CDH4: variants seen among roughly 807,000 people sequenced by gnomAD.
CDH4 encodes the protein cadherin 4.
CDH4 carries 33 observed loss-of-function variants against 86.0 expected under a neutral mutation model. The ratio of observed to expected loss-of-function variants is 0.38; its 90% confidence interval spans 0.29 to 0.51. The LOEUF (loss-of-function observed/expected upper bound fraction) is 0.51, where lower values mean the gene tolerates loss of function less well. CDH4 is among the 20% of genes least tolerant of loss of function. The pLI is 0.86. For missense variants in CDH4, 1,114 were observed against 1,307.4 expected (o/e 0.85, Z 2.28); for synonymous variants, 555 against 549.4 (o/e 1.01, Z -0.14).
intron 2 of CDH4, among the ~76,000 whole-genome samples, chr20:61,352,441 A>C (rs2084718192): frequency 6.6e-6 from 1 of 152,200 alleles, no homozygotes; most frequent in Non-Finnish European, 1.5e-5. Flanking sequence ...AGCACGTCTG[A>C]AAATGTGGCA....
intron 2 of CDH4, among the ~76,000 whole-genome samples, chr20:61,726,413 G>A (rs747145671): frequency 1.4e-4 from 22 of 152,140 alleles, no homozygotes; most frequent in Non-Finnish European, 5.9e-5. Flanking sequence ...GGAAATCAGG[G>A]TGTGCTGGGT....
At chr20:61,740,028 G>A (rs2088314414) in intron 2 of CDH4, among the ~76,000 whole-genome samples, 4 of 152,330 alleles carry the variant, frequency 2.6e-5, no homozygotes, top group Admixed American at 2.0e-4. Context: ...CTCCTGGAAT[G>A]CATTTAACCT....
chr20:61,750,802 G>A (rs1358016604), intron 3 of CDH4, among the ~76,000 whole-genome samples: 1 of 152,184 alleles, frequency 6.6e-6, no homozygotes, highest in African/African-American at 2.4e-5. Flanking sequence ...CAAGGGTGCT[G>A]GATGTAATAG....
At chr20:61,255,704 A>C (rs1195039579) in intron 2 of CDH4, among the ~76,000 whole-genome samples, 7 of 152,168 alleles carry the variant, frequency 4.6e-5, no homozygotes, top group Non-Finnish European at 1.0e-4. Flanking sequence ...CTAAATTTCC[A>C]CATTCAGGAC....
At chr20:61,554,255 C>G (rs1343359505) in intron 2 of CDH4, among the ~76,000 whole-genome samples, 4 of 152,146 alleles carry the variant, frequency 2.6e-5, no homozygotes, top group Non-Finnish European at 5.9e-5. Context: ...TTCACATTGC[C>G]CTTGGACTCC....
chr20:61,668,274 G>A (rs2087349401), intron 2 of CDH4, among the ~76,000 whole-genome samples: 1 of 152,208 alleles, frequency 6.6e-6, no homozygotes, highest in African/African-American at 2.4e-5. Context: ...CATGTGGGTG[G>A]ATGTTTATCC....
At chr20:61,690,945 C>T (rs893095675) in intron 2 of CDH4, among the ~76,000 whole-genome samples, 2 of 152,126 alleles carry the variant, frequency 1.3e-5, no homozygotes, top group Non-Finnish European at 2.9e-5. Flanking sequence ...GCCTTGCAGA[C>T]CCCCCGCCCC....
At chr20:61,565,265 G>GCTCTTGGTGTTGGTT (rs2086274969) in intron 2 of CDH4, among the ~76,000 whole-genome samples, 1 of 21,742 alleles carries the variant, frequency 4.6e-5, no homozygotes, top group African/African-American at 4.2e-4. Context: ...TGATGGTGGT[G>GCTCTTGGTGTTGGTT]GTGGTCCTCT....
intron 2 of CDH4, among the ~76,000 whole-genome samples, chr20:61,413,388 A>G (rs2085130291): frequency 6.6e-6 from 1 of 152,000 alleles, no homozygotes; most frequent in Non-Finnish European, 1.5e-5. Context: ...CCCTGTTCCA[A>G]GGCTGCGTGA....
intron 2 of CDH4, among the ~76,000 whole-genome samples, chr20:61,397,059 G>A (rs531001206): frequency 5.1e-4 from 77 of 152,182 alleles, no homozygotes; most frequent in African/African-American, 1.8e-3. Context: ...TTACAGGTGC[G>A]CCACCACACC....
At chr20:61,494,629 T>A in intron 2 of CDH4, among the ~76,000 whole-genome samples, 1 of 152,248 alleles carries the variant, frequency 6.6e-6, no homozygotes, top group East Asian at 1.9e-4. Context: ...AAAATCTATA[T>A]GTGAGAGAAC....
At chr20:61,271,404 C>T (rs1250951729) in intron 2 of CDH4, among the ~76,000 whole-genome samples, 1 of 152,232 alleles carries the variant, frequency 6.6e-6, no homozygotes. Flanking sequence ...CAATGGCGCT[C>T]CTTCTTCCTA....
chr20:61,788,093 G>A (rs538632718), intron 4 of CDH4, among the ~76,000 whole-genome samples: 1 of 152,268 alleles, frequency 6.6e-6, no homozygotes, highest in South Asian at 2.1e-4. Flanking sequence ...AGTAGCAGGA[G>A]GCAGCTTCTC....
chr20:61,362,226 TG>T (rs2084787312), intron 2 of CDH4, among the ~76,000 whole-genome samples: 1 of 152,064 alleles, frequency 6.6e-6, no homozygotes, highest in African/African-American at 2.4e-5. Flanking sequence ...GGGATGTGCT[TG>T]CTGCATTTGG....
chr20:61,354,093 C>T (rs911493939), intron 2 of CDH4, among the ~76,000 whole-genome samples: 8 of 152,156 alleles, frequency 5.3e-5, no homozygotes, highest in South Asian at 2.1e-4. Flanking sequence ...CATTCGAGAA[C>T]GTCTAGGGAT....
intron 2 of CDH4, among the ~76,000 whole-genome samples, chr20:61,585,034 G>A (rs534711209): frequency 5.9e-5 from 9 of 152,344 alleles, no homozygotes; most frequent in Middle Eastern, 3.4e-3. Context: ...CTGAGAGCTC[G>A]CCAGGCCTGG....
In CDH4 at chr20:61,544,167, C is replaced by G. The variant is rs984877292; in HGVS notation, c.170-199396C>G. On this transcript the variant is annotated intron_variant, in intron 2 of 15. Coordinates refer to ENST00000614565, the MANE Select transcript of CDH4 (RefSeq NM_001794.5). This position sits in a 1 kb window ranked among gnomAD's most constrained non-coding sequence, Gnocchi z 6.5. The stretch of plus-strand genomic sequence containing the variant: ...CCACGGCCATGTGGTCTCTTTAGAT[C>G]TGCGGTTCTCTTTCAGAGATGATGC... Among the ~76,000 whole-genome samples, 3 of 152,190 alleles carry G rather than the reference C, an allele frequency of 2.0e-5. No homozygotes were observed. The highest frequency in any genetic ancestry group is 7.2e-5 in the African/African-American group (3 of 41,448).
At chr20:61,562,607 C>G (rs1482909547) in intron 2 of CDH4, among the ~76,000 whole-genome samples, 1 of 152,216 alleles carries the variant, frequency 6.6e-6, no homozygotes, top group East Asian at 1.9e-4. Context: ...TTCAGCCCGG[C>G]TGCCAGGCCT....
chr20:61,876,658 A>C (rs1351110405), intron 7 of CDH4, among the ~76,000 whole-genome samples: 1 of 152,104 alleles, frequency 6.6e-6, no homozygotes, highest in Admixed American at 6.5e-5. Flanking sequence ...GGGGATCTAA[A>C]GGGGACCATA....
Sources: gnomAD v4.1 joint callset for allele counts (sites outside exome capture counted in the v4.1 genomes callset) on GRCh38, gnomAD v4.1.1 for gene constraint, Gnocchi (gnomAD v3.1) non-coding constraint, MANE v1.5 for transcripts, NCBI Gene and HGNC (gene_info 2026-07-23, HGNC 2026-07-21) for gene names.